PCDHA10: variants seen among roughly 807,000 people sequenced by gnomAD.
PCDHA10 encodes the protein protocadherin alpha-10.
In PCDHA10, 45 loss-of-function variants were observed where a neutral mutation model predicts 61.2. That is an observed-to-expected ratio of 0.74 (90% confidence interval 0.58 to 0.94). The LOEUF (loss-of-function observed/expected upper bound fraction) is 0.94, where lower values mean the gene tolerates loss of function less well. PCDHA10 is among the 40% of genes least tolerant of loss of function. The pLI, the probability that PCDHA10 is intolerant of heterozygous loss-of-function variation, is 0.00. For missense variants in PCDHA10, 1,278 were observed against 1,236.2 expected, an observed-to-expected ratio of 1.03 and a Z score of -0.51; for synonymous variants, 602 against 548.8, an observed-to-expected ratio of 1.10 and a Z score of -1.35.
intron 1 of PCDHA10, chr5:140,876,498 C>A: frequency 6.2e-7 from 1 of 1,613,918 alleles, no homozygotes; most frequent in East Asian, 2.2e-5. Context: ...AAGTTCTGGA[C>A]GTGAATGACA....
intron 3 of PCDHA10, among the ~76,000 whole-genome samples, chr5:141,000,371 C>G (rs868969531): frequency 6.1e-5 from 3 of 49,260 alleles, no homozygotes; most frequent in Admixed American, 2.7e-4. Flanking sequence ...GTCTCTCTCT[C>G]TCTCTCTCTC....
intron 3 of PCDHA10, among the ~76,000 whole-genome samples, chr5:141,006,789 C>T (rs1388215052): frequency 6.6e-6 from 1 of 152,026 alleles, no homozygotes; most frequent in Non-Finnish European, 1.5e-5. Flanking sequence ...GAATAATTAG[C>T]TTTGAACTTT....
At chr5:140,973,946 G>A (rs566831681) in intron 1 of PCDHA10, among the ~76,000 whole-genome samples, 45 of 152,304 alleles carry the variant, frequency 3.0e-4, no homozygotes, top group Non-Finnish European at 1.5e-4. Flanking sequence ...GAATATGATG[G>A]CATTTTACAG....
chr5:140,956,522 C>T (rs1043265748), intron 1 of PCDHA10, among the ~76,000 whole-genome samples: 14 of 152,116 alleles, frequency 9.2e-5, no homozygotes, highest in Non-Finnish European at 1.9e-4. Flanking sequence ...GGTGAATAAG[C>T]TTTTTGATGT....
At chr5:140,966,892 C>G (rs782364150) in intron 1 of PCDHA10, 4 of 1,595,414 alleles carry the variant, frequency 2.5e-6, no homozygotes, top group South Asian at 1.1e-5. Flanking sequence ...CTGCGGCCTC[C>G]CAGCTGCGAT....
At chr5:140,959,614 G>T (rs1175211325) in intron 1 of PCDHA10, among the ~76,000 whole-genome samples, 1 of 152,024 alleles carries the variant, frequency 6.6e-6, no homozygotes, top group African/African-American at 2.4e-5. Context: ...TTTCTTGCTT[G>T]TGATAGAAAA....
chr5:140,883,930 C>T, intron 1 of PCDHA10: 1 of 1,613,066 alleles, frequency 6.2e-7, no homozygotes, highest in East Asian at 2.2e-5. Context: ...TGCAGGTGTT[C>T]GTGCTGGACG....
At chr5:140,967,560 A>C (rs2096156699) in intron 1 of PCDHA10, 2 of 1,613,966 alleles carry the variant, frequency 1.2e-6, no homozygotes, top group Non-Finnish European at 1.7e-6. Context: ...TATCGCGTCC[A>C]GCTACGGGAG....
intron 1 of PCDHA10, among the ~76,000 whole-genome samples, chr5:140,879,820 T>C (rs917285977): frequency 6.6e-6 from 1 of 152,232 alleles, no homozygotes; most frequent in Non-Finnish European, 1.5e-5. Flanking sequence ...CTGTTGGTGT[T>C]CCCTGGCTTG....
chr5:140,870,825 C>G (rs1554164734), intron 1 of PCDHA10: 1 of 1,613,726 alleles, frequency 6.2e-7, no homozygotes. Flanking sequence ...GCGCGGGAGG[C>G]GCAGTTAACA....
intron 3 of PCDHA10, among the ~76,000 whole-genome samples, chr5:140,983,788 C>T (rs1319880543): frequency 6.6e-6 from 1 of 152,144 alleles, no homozygotes; most frequent in Non-Finnish European, 1.5e-5. Context: ...TAACAGATGA[C>T]AGAATGTGTG....
chr5:140,902,209 T>C (rs1583451921), intron 1 of PCDHA10, among the ~76,000 whole-genome samples: 2 of 150,148 alleles, frequency 1.3e-5, no homozygotes, highest in African/African-American at 4.9e-5. Context: ...CTTTCTTTTT[T>C]TTTTTTTTTT....
At chr5:140,936,244 T>C (rs879962489) in intron 1 of PCDHA10, among the ~76,000 whole-genome samples, 13 of 152,192 alleles carry the variant, frequency 8.5e-5, no homozygotes, top group Non-Finnish European at 1.6e-4. Context: ...AGAAAACATA[T>C]CCTGCTTCAA....
intron 1 of PCDHA10, chr5:140,868,997 G>T: frequency 6.6e-7 from 1 of 1,517,542 alleles, no homozygotes; most frequent in Non-Finnish European, 8.8e-7. Flanking sequence ...ACCGTTTAAG[G>T]ATCCTTTGAA....
chr5:140,874,216 C>A (rs1482061600), intron 1 of PCDHA10, among the ~76,000 whole-genome samples: 1 of 152,146 alleles, frequency 6.6e-6, no homozygotes, highest in African/African-American at 2.4e-5. Flanking sequence ...TTATTATATG[C>A]AGTAGGAATG....
At position 140,857,216 on chromosome 5, in the gene PCDHA10, C is replaced by T; in HGVS notation, c.1168C>T (p.Pro390Ser). The T allele has an allele frequency of 6.3e-7, 1 of 1,598,490 alleles. No individual in the cohort carries two copies. The highest frequency in any genetic ancestry group is 8.6e-7 in the Non-Finnish European group (1 of 1,167,940). ...ANGQVTCSLTPHVPFKLVSTY... is the reference protein window; with the variant it reads ...ANGQVTCSLTSHVPFKLVSTY... ...CGGACAGGTCACCTGCTCTCTGACG[C>T]CTCACGTTCCGTTCAAGCTGGTGTC... is the stretch of plus-strand genomic sequence containing the variant. The change falls in exon 1 of 4, where the codon CCT (proline) becomes TCT (serine). Residue 390 changes from proline to serine, a missense_variant. Physicochemically the swap from Pro to Ser is moderately conservative, Grantham distance 74. Coordinates refer to ENST00000307360, the MANE Select transcript of PCDHA10 (RefSeq NM_018901.4).
chr5:140,941,961 T>A (rs150142414), intron 1 of PCDHA10, among the ~76,000 whole-genome samples: 2 of 152,214 alleles, frequency 1.3e-5, no homozygotes, highest in African/African-American at 4.8e-5. Flanking sequence ...AACAATAGTA[T>A]CTTTACTTTC....
intron 1 of PCDHA10, chr5:140,968,366 G>A (rs145153557): frequency 7.4e-6 from 12 of 1,614,078 alleles, no homozygotes; most frequent in Non-Finnish European, 1.0e-5. Flanking sequence ...CCTTTATGCT[G>A]TCAACTCCTT....
At chr5:140,976,992 A>G (rs1421149242) in intron 1 of PCDHA10, among the ~76,000 whole-genome samples, 3 of 152,200 alleles carry the variant, frequency 2.0e-5, no homozygotes, top group Admixed American at 2.0e-4. Context: ...TTACTGCCAT[A>G]AGAAATCTTG....
Sources: gnomAD v4.1 joint callset for allele counts (sites outside exome capture counted in the v4.1 genomes callset) on GRCh38, gnomAD v4.1.1 for gene constraint, MANE v1.5 for transcripts, NCBI Gene and HGNC (gene_info 2026-07-23, HGNC 2026-07-21) for gene names.